SGMS2: variants seen among roughly 807,000 people sequenced by gnomAD.
The protein encoded by SGMS2 is phosphatidylcholine:ceramide cholinephosphotransferase 2.
SGMS2 carries 21 observed loss-of-function variants against 43.8 expected under a neutral mutation model. That is an observed-to-expected ratio of 0.48 (90% CI 0.34 to 0.69). SGMS2 has a LOEUF of 0.69. Among genes scored for constraint, SGMS2 ranks in the 30% least tolerant of loss-of-function variants. The pLI is 0.01. For missense variants in SGMS2, 384 were observed against 443.2 expected (o/e 0.87, Z 1.20); for synonymous variants, 167 against 160.6 (o/e 1.04, Z -0.30).
At chr4:107,900,481 G>T (rs886878031) in intron 4 of SGMS2, among the ~76,000 whole-genome samples, 5 of 152,190 alleles carry the variant, frequency 3.3e-5, no homozygotes, top group African/African-American at 1.2e-4. Context: ...TTGGATATGG[G>T]TTTGACAGAA....
intron 2 of SGMS2, among the ~76,000 whole-genome samples, chr4:107,862,193 G>A (rs1474960345): frequency 2.0e-5 from 3 of 152,162 alleles, no homozygotes; most frequent in African/African-American, 7.2e-5. Context: ...CGTAACTGTC[G>A]GAGAATGTAT....
At chr4:107,875,935 T>G (rs1728886145) in intron 2 of SGMS2, among the ~76,000 whole-genome samples, 1 of 152,160 alleles carries the variant, frequency 6.6e-6, no homozygotes, top group Admixed American at 6.6e-5. Context: ...CACTAGGAGC[T>G]TTCTAGCCCT....
chr4:107,885,207 C>T (rs1729653034), intron 2 of SGMS2, among the ~76,000 whole-genome samples: 1 of 150,434 alleles, frequency 6.6e-6, no homozygotes, highest in Non-Finnish European at 1.5e-5. Flanking sequence ...CTTCCAGTTA[C>T]ACTGCTAGTG....
chr4:107,844,561 C>T (rs1287406385), intron 1 of SGMS2, among the ~76,000 whole-genome samples: 7 of 151,860 alleles, frequency 4.6e-5, no homozygotes, highest in African/African-American at 1.7e-4. Flanking sequence ...TAAAATTAAG[C>T]ATGGAGGTGC....
At chr4:107,869,362 T>G (rs1728380274) in intron 2 of SGMS2, among the ~76,000 whole-genome samples, 1 of 152,096 alleles carries the variant, frequency 6.6e-6, no homozygotes, top group Non-Finnish European at 1.5e-5. Context: ...AATTTTTACA[T>G]AAAGCTTGAT....
intron 2 of SGMS2, among the ~76,000 whole-genome samples, chr4:107,884,638 C>T (rs1729606055): frequency 6.6e-6 from 1 of 152,204 alleles, no homozygotes; most frequent in East Asian, 1.9e-4. Flanking sequence ...ATGTATAACT[C>T]ATTGCCGCCT....
chr4:107,895,626 G>T lies in SGMS2; in HGVS notation c.73G>T (p.Ala25Ser). ...ACCCAGTGATCCTACGAACACTTAT[G>T]CAAGACCCGCTGAACCTGTTGAAGA... ...NQPSDPTNTY[A>S]RPAEPVEEEN... Residue 25 changes from alanine (A) to serine (S), a missense_variant, in exon 3 of 7, where the codon GCA becomes TCA. Transcript: ENST00000690982. 2 of 1,613,994 alleles carry T rather than the reference G, an allele frequency of 1.2e-6. No individual in the cohort carries two copies. Among genetic ancestry groups the T allele is most frequent in the Non-Finnish European group, 1.7e-6 (2 of 1,179,938 alleles).
chr4:107,852,020 C>T (rs1276603987), intron 1 of SGMS2, among the ~76,000 whole-genome samples: 5 of 151,750 alleles, frequency 3.3e-5, no homozygotes, highest in African/African-American at 9.7e-5. Context: ...TGAGGTGTAC[C>T]GTTTTTATCC....
Position 107,857,756 on chromosome 4 carries a change from G to A in SGMS2, c.-326-716G>A, listed in dbSNP as rs564427969. On this transcript the variant is annotated intron_variant, in intron 1 of 6. Transcript: ENST00000690982. The stretch of plus-strand genomic sequence containing the variant: ...TTCAAAGGAAATCTTCCACCATTTA[G>A]TAGAAGGTGACAGATTATGCACAGC... Among the ~76,000 whole-genome samples, 201 of 152,254 alleles carry A rather than the reference G, an allele frequency of 1.3e-3. 1 individual carries two copies. The highest frequency in any genetic ancestry group is 2.4e-3 in the Non-Finnish European group (165 of 68,006).
intron 2 of SGMS2, among the ~76,000 whole-genome samples, chr4:107,865,272 GA>G (rs1220847656): frequency 6.6e-6 from 1 of 152,064 alleles, no homozygotes; most frequent in Non-Finnish European, 1.5e-5. Flanking sequence ...CTGCAACCCA[GA>G]AAAAAATACA....
chr4:107,867,725 G>A (rs1728231049), intron 2 of SGMS2: 1 of 152,092 alleles, frequency 6.6e-6, no homozygotes, highest in Admixed American at 6.6e-5. Flanking sequence ...ATTTAGAACT[G>A]TGGCATTTGG....
At chr4:107,883,709 C>T (rs1208824412) in intron 2 of SGMS2, among the ~76,000 whole-genome samples, 1 of 152,194 alleles carries the variant, frequency 6.6e-6, no homozygotes, top group African/African-American at 2.4e-5. Flanking sequence ...TCCAATTTTC[C>T]CTTATATGTA....
rs538171618 is a variant in SGMS2 at position 107,862,131 on chromosome 4, G to T, written c.-245+3578G>T. 3.9e-5 allele frequency among the ~76,000 whole-genome samples: 6 copies of T among 152,184 alleles called. No homozygotes were observed. In the East Asian group the frequency reaches 9.6e-4, roughly 24 times the overall value. ...ACTTTTCTTTCTCTGAGTATTTAAC[G>T]CATAGAAATGACTGGGAAAGTAGCG... On this transcript the variant is annotated intron_variant, in intron 2 of 6. Coordinates refer to ENST00000690982, the MANE Select transcript of SGMS2 (RefSeq NM_001375905.1).
intron 1 of SGMS2, among the ~76,000 whole-genome samples, chr4:107,832,623 T>C (rs1725953482): frequency 6.6e-6 from 1 of 152,206 alleles, no homozygotes; most frequent in South Asian, 2.1e-4. Flanking sequence ...TGTCTTTGTG[T>C]ATGCAATTTT....
At chr4:107,866,009 G>C (rs775933183) in intron 2 of SGMS2, among the ~76,000 whole-genome samples, 9 of 152,332 alleles carry the variant, frequency 5.9e-5, no homozygotes, top group Non-Finnish European at 8.8e-5. Context: ...TGTGATAGGG[G>C]TAGGACAGAA....
intron 2 of SGMS2, among the ~76,000 whole-genome samples, chr4:107,875,373 G>C (rs532623616): frequency 2.6e-4 from 39 of 152,194 alleles, no homozygotes; most frequent in Non-Finnish European, 5.0e-4. Flanking sequence ...GATGGAGTTG[G>C]AGGCCATTAT....
At chr4:107,827,466 C>T (rs1016375938) in intron 1 of SGMS2, among the ~76,000 whole-genome samples, 3 of 152,028 alleles carry the variant, frequency 2.0e-5, no homozygotes, top group African/African-American at 7.3e-5. Context: ...GTGATTAGGC[C>T]GTCATAGGCT....
chr4:107,874,785 G>T (rs10003503), intron 2 of SGMS2, among the ~76,000 whole-genome samples: 106,906 of 152,042 alleles, frequency 0.7, 38,266 homozygotes, highest in African/African-American at 0.83. Flanking sequence ...ATTGTTAGAT[G>T]CATGATTTTA....
intron 2 of SGMS2, among the ~76,000 whole-genome samples, chr4:107,870,743 C>T (rs1478623158): frequency 6.6e-6 from 1 of 152,020 alleles, no homozygotes; most frequent in Non-Finnish European, 1.5e-5. Flanking sequence ...ACAATAAAAA[C>T]AAAAACTCAT....
Sources: gnomAD v4.1 joint callset for allele counts (sites outside exome capture counted in the v4.1 genomes callset) on GRCh38, gnomAD v4.1.1 for gene constraint, MANE v1.5 for transcripts, NCBI Gene and HGNC (gene_info 2026-07-23, HGNC 2026-07-21) for gene names.